NCKAP5: variants seen among roughly 807,000 people sequenced by gnomAD.
NCKAP5 encodes the protein nck-associated protein 5.
A neutral mutation model predicts 167.0 loss-of-function variants in NCKAP5; 92 were observed. The observed-to-expected ratio is 0.55, with a 90% CI of 0.47 to 0.66. The LOEUF (loss-of-function observed/expected upper bound fraction) is 0.66. Among genes scored for constraint, NCKAP5 ranks in the 30% least tolerant of loss-of-function variants. NCKAP5 has a pLI of 0.00. For missense variants in NCKAP5, 2,378 were observed against 2,315.0 expected (o/e 1.03, Z -0.56); for synonymous variants, 891 against 877.4 (o/e 1.02, Z -0.27).
rs70973406 is a variant in NCKAP5, at chr2:132,771,839, A to ATT, written c.5128+1975_5128+1976dup. 7.1e-3 allele frequency among the ~76,000 whole-genome samples: 718 copies of ATT among 100,778 alleles called. 10 individuals are homozygous for ATT. Among genetic ancestry groups the ATT allele is most frequent in the East Asian group, 0.019 (59 of 3,186 alleles). 66.1% of individuals were successfully genotyped at this position (100,778 alleles called of 152,430 possible). A position where few individuals can be genotyped will look rare whatever the true frequency, so the allele number is the denominator to read the frequency against. ...AGGCACCCACAACCACGCCCGGCTA[A>ATT]TTTTTTTTTTTTTTTTTTTTTTTTT... On this transcript the variant is annotated intron_variant, in intron 16 of 19. Coordinates refer to ENST00000409261, the MANE Select transcript of NCKAP5 (RefSeq NM_207363.3).
intron 7 of NCKAP5, among the ~76,000 whole-genome samples, chr2:132,977,584 C>A (rs1366460721): frequency 6.6e-6 from 1 of 152,184 alleles, no homozygotes; most frequent in African/African-American, 2.4e-5. Flanking sequence ...CTTCTTCCAA[C>A]CAGGGGTTAC....
At chr2:132,980,780 AAAAG>A (rs569144065) in intron 7 of NCKAP5, among the ~76,000 whole-genome samples, 2 of 152,234 alleles carry the variant, frequency 1.3e-5, no homozygotes, top group Admixed American at 1.3e-4. Context: ...AGAAGAAAAA[AAAAG>A]GTAATAAAAA....
chr2:133,055,617 G>C (rs146943112), intron 6 of NCKAP5, among the ~76,000 whole-genome samples: 2,179 of 151,770 alleles, frequency 0.014, 22 homozygotes, highest in Non-Finnish European at 0.023. Context: ...TAACAATATA[G>C]ACATAATGGG....
intron 3 of NCKAP5, among the ~76,000 whole-genome samples, chr2:133,427,989 T>C (rs1689919630): frequency 6.6e-6 from 1 of 152,100 alleles, no homozygotes; most frequent in Non-Finnish European, 1.5e-5. Context: ...AATAAATGTA[T>C]ATTTGGATAC....
intron 2 of NCKAP5, among the ~76,000 whole-genome samples, chr2:133,523,851 T>TGCTG (rs1408610202): frequency 6.6e-6 from 1 of 152,168 alleles, no homozygotes; most frequent in Non-Finnish European, 1.5e-5. Context: ...ACAGTAAGTT[T>TGCTG]CCTGTCGTTG....
chr2:132,971,313 C>T (rs1573593266), intron 7 of NCKAP5, among the ~76,000 whole-genome samples: 1 of 152,090 alleles, frequency 6.6e-6, no homozygotes, highest in Non-Finnish European at 1.5e-5. Context: ...CAGGAAATAA[C>T]CACGATGTGA....
intron 5 of NCKAP5, among the ~76,000 whole-genome samples, chr2:133,165,486 G>A (rs185458706): frequency 1.2e-4 from 18 of 152,318 alleles, no homozygotes; most frequent in Admixed American, 9.8e-4. Flanking sequence ...TCCATGCAAT[G>A]TGAAACCATC....
intron 4 of NCKAP5, among the ~76,000 whole-genome samples, chr2:133,271,603 G>C (rs1465690662): frequency 6.6e-6 from 1 of 152,142 alleles, no homozygotes; most frequent in Non-Finnish European, 1.5e-5. Context: ...CTTGCTAGAG[G>C]TCTTCAAAAA....
intron 19 of NCKAP5, among the ~76,000 whole-genome samples, chr2:132,679,459 T>C (rs1348021245): frequency 6.6e-6 from 1 of 152,152 alleles, no homozygotes; most frequent in Non-Finnish European, 1.5e-5. Context: ...GAGAAGAAGG[T>C]GTCCAAGGTG....
Position 132,725,659 on chromosome 2 carries a change from T to A in NCKAP5, c.5681A>T (p.Gln1894Leu), listed in dbSNP as rs762961756. 4 of 1,612,324 alleles carry A rather than the reference T, an allele frequency of 2.5e-6. No homozygotes were observed. Among genetic ancestry groups the A allele is most frequent in the Non-Finnish European group, 2.5e-6 (3 of 1,179,282 alleles). ...AGCGCTCTTCAGTGCTTTCACTAAC[T>A]GTCCCCTTCCAGCTCCAAAACCATT... is the stretch of plus-strand genomic sequence containing the variant. ...GDNGFGAGRG[Q>L]LVKALKSAAP... The change falls in exon 19 of 20, where the codon CAG (glutamine) becomes CTG (leucine). Residue 1894 changes from glutamine to leucine, a missense_variant. This residue lies in a region of NCKAP5 where 1,325 missense variants were observed against 1,274.5 expected (regional missense o/e 1.04). Coordinates refer to ENST00000409261, the MANE Select transcript of NCKAP5 (RefSeq NM_207363.3).
At position 132,785,476 on chromosome 2, in the gene NCKAP5, G is replaced by A. The variant is rs775491303; in HGVS notation, c.1335C>T (p.Ser445=). The change falls in exon 14 of 20, where the codon AGC becomes AGT. Residue 445 remains serine, a synonymous_variant. Transcript: ENST00000409261. Reference sequence around the variant, plus strand: ...TTTTGCAGGGGGGATACTCCTTGAGGCTGCTACTTTTAATTCCAGGAGAAT... The same window carrying A: ...TTTTGCAGGGGGGATACTCCTTGAGACTGCTACTTTTAATTCCAGGAGAAT... ...GIYSPGIKSS[S]LKEYPPCKTA... 2 of 1,613,424 alleles carry A rather than the reference G, an allele frequency of 1.2e-6. No individual in the cohort carries two copies. Among genetic ancestry groups the A allele is most frequent in the Non-Finnish European group, 1.7e-6 (2 of 1,179,632 alleles).
At chr2:132,693,570 C>T (rs1447733569) in intron 19 of NCKAP5, among the ~76,000 whole-genome samples, 3 of 148,030 alleles carry the variant, frequency 2.0e-5, no homozygotes, top group Non-Finnish European at 3.0e-5. Context: ...GGATTTCAGA[C>T]GTCTAGGCTC....
chr2:132,952,136 A>G (rs1435813886), intron 8 of NCKAP5, among the ~76,000 whole-genome samples: 1 of 152,206 alleles, frequency 6.6e-6, no homozygotes, highest in Non-Finnish European at 1.5e-5. Context: ...AAACAAGGCC[A>G]TGGCTACATA....
At chr2:133,408,301 T>C (rs576739567) in intron 3 of NCKAP5, among the ~76,000 whole-genome samples, 4 of 152,164 alleles carry the variant, frequency 2.6e-5, no homozygotes, top group Non-Finnish European at 5.9e-5. Flanking sequence ...GCTTGTATAA[T>C]GGATTTTTGC....
At chr2:133,438,084 T>C (rs141455579) in intron 3 of NCKAP5, among the ~76,000 whole-genome samples, 8 of 152,222 alleles carry the variant, frequency 5.3e-5, no homozygotes, top group African/African-American at 1.9e-4. Flanking sequence ...GGAGCCAGTG[T>C]TATTTCTTTC....
rs186759172 is a variant in NCKAP5, at chr2:133,350,593, C to T, written c.70-47483G>A. Among the ~76,000 whole-genome samples the T allele has an allele frequency of 3.9e-4, 60 of 152,224 alleles. No individual in the cohort carries two copies. In the East Asian group the frequency reaches 0.01, roughly 26 times the overall value. On this transcript the variant is annotated intron_variant, in intron 3 of 19. Coordinates refer to ENST00000409261, the MANE Select transcript of NCKAP5 (RefSeq NM_207363.3). ...GTTTGGCCAAGACAGTTCTGTTTCC[C>T]ACCCGCTGTCCCAATGAATTATCCC...
chr2:133,220,022 A>G (rs1273995970), intron 4 of NCKAP5, among the ~76,000 whole-genome samples: 1 of 152,194 alleles, frequency 6.6e-6, no homozygotes, highest in Non-Finnish European at 1.5e-5. Flanking sequence ...TATCTTTTTC[A>G]TGCAAATTCA....
At chr2:133,405,869 CG>C (rs1559458599) in intron 3 of NCKAP5, among the ~76,000 whole-genome samples, 1 of 152,176 alleles carries the variant, frequency 6.6e-6, no homozygotes, top group African/African-American at 2.4e-5. Context: ...AGCCAGATGC[CG>C]TAGGCACTCA....
At chr2:133,017,041 T>A (rs2078362754) in intron 6 of NCKAP5, among the ~76,000 whole-genome samples, 1 of 152,248 alleles carries the variant, frequency 6.6e-6, no homozygotes, top group African/African-American at 2.4e-5. Flanking sequence ...AATATTTATA[T>A]CCTTTCCACA....
Sources: allele counts gnomAD v4.1 joint callset (sites outside exome capture counted in the v4.1 genomes callset), GRCh38; gene constraint gnomAD v4.1.1; regional missense constraint gnomAD v4.1.1; transcripts MANE v1.5; gene names NCBI Gene and HGNC (gene_info 2026-07-23, HGNC 2026-07-21).